KLHL13: variants seen among roughly 807,000 people sequenced by gnomAD.
The protein encoded by KLHL13 is kelch-like protein 13.
Under a neutral mutation model 37.1 loss-of-function variants are expected in KLHL13, and 10 were observed. The ratio of observed to expected loss-of-function variants is 0.27; its 90% confidence interval spans 0.17 to 0.46. The LOEUF (loss-of-function observed/expected upper bound fraction) is 0.46, where lower values mean the gene tolerates loss of function less well. KLHL13 is among the 20% of genes least tolerant of loss of function. The pLI, the probability that KLHL13 is intolerant of heterozygous loss-of-function variation, is 1.00. For missense variants in KLHL13, 360 were observed against 509.3 expected (o/e 0.71, Z 2.82); for synonymous variants, 163 against 181.2 (o/e 0.90, Z 0.81).
At chrX:118,064,688 T>C (rs772594011) in intron 1 of KLHL13, among the ~76,000 whole-genome samples, 41 of 111,779 alleles carry the variant, frequency 3.7e-4, no homozygotes, top group African/African-American at 1.3e-3. Flanking sequence ...GTTTAATAAA[T>C]ATACTTTCAT....
intron 1 of KLHL13, among the ~76,000 whole-genome samples, chrX:118,057,734 G>C (rs1437636273): frequency 1.8e-5 from 2 of 110,525 alleles, no homozygotes; most frequent in Non-Finnish European, 3.8e-5. Flanking sequence ...GCTGAGGCAG[G>C]AGAATGGTGT....
chrX:118,002,839 G>T (rs1317972348), intron 1 of KLHL13, among the ~76,000 whole-genome samples: 2 of 111,321 alleles, frequency 1.8e-5, no homozygotes, highest in African/African-American at 6.5e-5. Flanking sequence ...GTGTAAGGAA[G>T]TCCAACAAAG....
chrX:117,927,407 G>A (rs2147731183), intron 2 of KLHL13, among the ~76,000 whole-genome samples: 1 of 112,364 alleles, frequency 8.9e-6, no homozygotes, highest in South Asian at 3.7e-4. Flanking sequence ...GGTCAGAGAA[G>A]CAGTGATTGT....
chrX:117,994,503 C>T (rs1337875792), intron 1 of KLHL13, among the ~76,000 whole-genome samples: 1 of 111,115 alleles, frequency 9.0e-6, no homozygotes, highest in African/African-American at 3.3e-5. Flanking sequence ...CCTCCATCCT[C>T]GGTTTCCCAA....
intron 1 of KLHL13, among the ~76,000 whole-genome samples, chrX:118,088,602 T>C (rs1404442553): frequency 8.9e-6 from 1 of 111,848 alleles, no homozygotes; most frequent in East Asian, 2.8e-4. Context: ...ATAACTCTAT[T>C]GACAAAGCAG....
At position 117,901,951 on chromosome X, in the gene KLHL13, T is replaced by TAA. The variant is rs373043370; in HGVS notation, c.1367-7_1367-6dup. The TAA allele has an allele frequency of 5.8e-5, 49 of 842,451 alleles. No individual in the cohort carries two copies. The highest frequency in any genetic ancestry group is 7.2e-5 in the Non-Finnish European group (44 of 614,536). The allele number at this position is 842,451 out of a possible 1,213,427, so 69.4% of individuals were successfully genotyped here. A position where few individuals can be genotyped will look rare whatever the true frequency, so the allele number is the denominator to read the frequency against. The stretch of plus-strand genomic sequence containing the variant: ...GATTGTAACATTCTACTGTGGCTGT[T>TAA]AAAAAAAAAAAGAAAAGAAAATTAT... On this transcript the variant is annotated splice_polypyrimidine_tract_variant and splice_region_variant and intron_variant, in intron 5 of 6. Coordinates refer to ENST00000262820, the Ensembl canonical transcript of KLHL13.
chrX:118,105,892 C>CTT lies in KLHL13; in HGVS notation c.-56+10614_-56+10615dup, dbSNP rs754130371. ...TTAAAGGATCCTTTGGTCTAAACAG[C>CTT]TTTTTTTTTTTTTTTTTTTTTTTTT... On this transcript the variant is annotated intron_variant, in intron 1 of 6. Transcript: ENST00000371882. Among the ~76,000 whole-genome samples, 262 of 67,055 alleles carry CTT rather than the reference C, an allele frequency of 3.9e-3. 24 individuals carry two copies. The highest frequency in any genetic ancestry group is 0.01 in the African/African-American group (147 of 14,187). The allele number at this position is 67,055 out of a possible 115,157, so 58.2% of individuals were successfully genotyped here. A position where few individuals can be genotyped will look rare whatever the true frequency, so the allele number is the denominator to read the frequency against.
chrX:117,940,357 G>C (rs1217841946), intron 2 of KLHL13, among the ~76,000 whole-genome samples: 1 of 111,548 alleles, frequency 9.0e-6, no homozygotes, highest in Non-Finnish European at 1.9e-5. Flanking sequence ...TTGTAGTATA[G>C]TTTGAAGTCA....
intron 1 of KLHL13, among the ~76,000 whole-genome samples, chrX:118,001,444 C>T (rs1454668241): frequency 8.9e-6 from 1 of 111,932 alleles, no homozygotes; most frequent in African/African-American, 3.2e-5. Flanking sequence ...CAGAAAGTAC[C>T]TACAACTCTA....
intron 1 of KLHL13, among the ~76,000 whole-genome samples, chrX:117,964,817 T>C (rs1040967010): frequency 9.0e-6 from 1 of 111,092 alleles, no homozygotes; most frequent in African/African-American, 3.3e-5. Flanking sequence ...AATTCCCACC[T>C]GTGAGTGAGA....
chrX:117,999,502 A>G (rs910329100), intron 1 of KLHL13, among the ~76,000 whole-genome samples: 1 of 109,839 alleles, frequency 9.1e-6, no homozygotes, highest in Non-Finnish European at 1.9e-5. Context: ...ATGAGAACAC[A>G]TGGACACAGG....
chrX:118,037,989 G>T (rs1247927743), intron 1 of KLHL13, among the ~76,000 whole-genome samples: 1 of 111,935 alleles, frequency 8.9e-6, no homozygotes, highest in Non-Finnish European at 1.9e-5. Context: ...AAATAACTGG[G>T]ATGAGGATGA....
At chrX:117,916,651 T>C (rs1200953960) in intron 4 of KLHL13, among the ~76,000 whole-genome samples, 4 of 112,081 alleles carry the variant, frequency 3.6e-5, no homozygotes, top group Non-Finnish European at 7.5e-5. Context: ...GATTCGCATT[T>C]TACATACCAC....
intron 1 of KLHL13, among the ~76,000 whole-genome samples, chrX:118,052,968 T>C (rs1306031990): frequency 8.9e-6 from 1 of 112,058 alleles, no homozygotes; most frequent in Non-Finnish European, 1.9e-5. Flanking sequence ...TTACAAAAAG[T>C]TGCAATTGTA....
intron 1 of KLHL13, among the ~76,000 whole-genome samples, chrX:118,075,965 G>GT (rs34495894): frequency 1.5e-4 from 16 of 110,063 alleles, no homozygotes; most frequent in South Asian, 1.1e-3. Context: ...AGTTAAGACA[G>GT]TTTTTTTTTA....
At chrX:118,055,254 G>A (rs192806809) in intron 1 of KLHL13, among the ~76,000 whole-genome samples, 5 of 111,961 alleles carry the variant, frequency 4.5e-5, no homozygotes, top group Admixed American at 2.8e-4. Context: ...CCATCTTATG[G>A]AACACATTCA....
At chrX:118,014,068 C>T (rs767452894) in intron 1 of KLHL13, among the ~76,000 whole-genome samples, 66 of 112,032 alleles carry the variant, frequency 5.9e-4, no homozygotes, top group African/African-American at 2.0e-3. Flanking sequence ...TAAATCAGTG[C>T]ACCCTAAGAA....
At chrX:118,094,567 C>T (rs1483569853) in intron 1 of KLHL13, among the ~76,000 whole-genome samples, 1 of 109,841 alleles carries the variant, frequency 9.1e-6, no homozygotes, top group African/African-American at 3.3e-5. Flanking sequence ...CCGAGAAGAG[C>T]AACTCCAAGA....
intron 1 of KLHL13, among the ~76,000 whole-genome samples, chrX:118,092,482 G>A (rs1336184007): frequency 9.0e-6 from 1 of 111,268 alleles, no homozygotes; most frequent in African/African-American, 3.3e-5. Context: ...ATAAAGGGGA[G>A]ATTAAAGCAT....
Sources: allele counts gnomAD v4.1 joint callset (sites outside exome capture counted in the v4.1 genomes callset), GRCh38; gene constraint gnomAD v4.1.1; transcripts MANE v1.5; gene names NCBI Gene and HGNC (gene_info 2026-07-23, HGNC 2026-07-21).